OTOP2: variants seen among roughly 807,000 people sequenced by gnomAD.
OTOP2 encodes proton channel OTOP2.
A neutral mutation model predicts 47.4 loss-of-function variants in OTOP2; 41 were observed. The observed-to-expected ratio is 0.87, with a 90% CI of 0.67 to 1.12. The LOEUF (loss-of-function observed/expected upper bound fraction) is 1.12. Among genes scored for constraint, OTOP2 ranks in the 50% most tolerant of loss-of-function variants. The pLI is 0.00. For missense variants in OTOP2, 721 were observed against 752.2 expected (o/e 0.96, Z 0.49); for synonymous variants, 328 against 319.6 (o/e 1.03, Z -0.28).
At chr17:74,928,723 A>G (rs2039031093) in intron 5 of OTOP2, among the ~76,000 whole-genome samples, 1 of 152,200 alleles carries the variant, frequency 6.6e-6, no homozygotes, top group African/African-American at 2.4e-5. Flanking sequence ...ACAATATGCT[A>G]AACTAAGGAG....
chr17:74,927,820 G>T (rs1159715260), intron 5 of OTOP2, 22 bp downstream of exon 5: 1 of 1,611,838 alleles, frequency 6.2e-7, no homozygotes, highest in African/African-American at 1.3e-5. Context: ...CTTAATGCTG[G>T]CCCTGTGGCT....
Position 74,933,123 on chromosome 17 carries a change from G to A in OTOP2, c.1519-252G>A, listed in dbSNP as rs1387824964. Among the ~76,000 whole-genome samples the A allele has an allele frequency of 6.6e-6, 1 of 152,158 alleles. No individual in the cohort carries two copies. Among genetic ancestry groups the A allele is most frequent in the Non-Finnish European group, 1.5e-5 (1 of 68,030 alleles). ...AGGCCCTGCTAAGATTTTGGGAGAG[G>A]TGATCACAGGTGTCCATGAGGTGGG... is the stretch of plus-strand genomic sequence containing the variant. On this transcript the variant is annotated intron_variant, in intron 6 of 6. Transcript: ENST00000331427. The surrounding 1 kb of genome is among the most constrained non-coding windows in gnomAD (Gnocchi z 4.7).
In OTOP2 at chr17:74,927,108, A is replaced by ATTT. The variant is rs2039014286; in HGVS notation, c.451-114_451-113insTTT. The ATTT allele has an allele frequency of 1.5e-5, 15 of 981,934 alleles. 1 individual carries two copies. The East Asian group carries it at 3.6e-4, about 24-fold the overall frequency. 60.8% of individuals were successfully genotyped at this position (981,934 alleles called of 1,614,324 possible). A position where few individuals can be genotyped will look rare whatever the true frequency, so the allele number is the denominator to read the frequency against. The stretch of plus-strand genomic sequence containing the variant: ...ATTTTGTGAAGCTAAAATGAACCTG[A>ATTT]TAACTCAGTGTAAGGGTTCCTCAGG... On this transcript the variant is annotated intron_variant, in intron 3 of 6. Transcript: ENST00000331427.
chr17:74,927,971 A>T, intron 5 of OTOP2, 173 bp downstream of exon 5: 1 of 866,746 alleles, frequency 1.2e-6, no homozygotes, highest in Non-Finnish European at 1.7e-6. Context: ...AGGTGACCCC[A>T]GAAGGGAAGT....
At position 74,930,365 on chromosome 17, in the gene OTOP2, T is replaced by C. The variant is rs901022688; in HGVS notation, c.730T>C (p.Tyr244His). 4 of 1,614,050 alleles carry C rather than the reference T, an allele frequency of 2.5e-6. No homozygotes were observed. Among genetic ancestry groups the C allele is most frequent in the African/African-American group, 2.7e-5 (2 of 74,908 alleles). ...QIFQQGYFYL[Y>H]PFNIEYSLFA... ...CTTCCAGCAGGGGTACTTCTACCTA[T>C]ATCCCTTCAACATCGAGTACAGCCT... is the stretch of plus-strand genomic sequence containing the variant. The change falls in exon 6 of 7, where the codon TAT (tyrosine) becomes CAT (histidine). Residue 244 changes from tyrosine to histidine, a missense_variant. Tyr to His is a moderately conservative substitution (Grantham distance 83). Coordinates refer to ENST00000331427, the MANE Select transcript of OTOP2 (RefSeq NM_178160.3). The surrounding 1 kb of genome is among the most constrained non-coding windows in gnomAD (Gnocchi z 4.0).
Position 74,930,759 on chromosome 17 carries a change from C to G in OTOP2, c.1124C>G (p.Ala375Gly). Reference sequence around the variant, plus strand: ...CTGGACGTGGCCCTGCTGATGGGTGCCGCCCTGGGTCAGTACGCCATCTCT... The same window carrying G: ...CTGGACGTGGCCCTGCTGATGGGTGGCGCCCTGGGTCAGTACGCCATCTCT... Reference protein sequence around the residue: ...RTLDVALLMGAALGQYAISYY... With the variant: ...RTLDVALLMGGALGQYAISYY... Residue 375 changes from alanine to glycine, a missense_variant, in exon 6 of 7, where the codon GCC (alanine) becomes GGC (glycine). Physicochemically the swap from Ala to Gly is moderately conservative, Grantham distance 60 (BLOSUM62 0). Transcript: ENST00000331427. The surrounding 1 kb of genome is among the most constrained non-coding windows in gnomAD (Gnocchi z 4.0). 6.2e-7 allele frequency: 1 copy of G among 1,614,110 alleles called. No individual in the cohort carries two copies. Among genetic ancestry groups the G allele is most frequent in the Non-Finnish European group, 8.5e-7 (1 of 1,180,026 alleles).
rs1374973639 is a variant in OTOP2, at chr17:74,927,278, C to G, written c.506C>G (p.Thr169Ser). 2 of 1,612,776 alleles carry G rather than the reference C, an allele frequency of 1.2e-6. No homozygotes were observed. Among genetic ancestry groups the G allele is most frequent in the South Asian group, 2.2e-5 (2 of 91,020 alleles). ...TGCGTTCACGTCCACCTGGATCTGA[C>G]CTGGTGAGAACTGCAGCTCGATGCC... ...KDCVHVHLDL[T>S]WCGLMFTLTT... Residue 169 changes from threonine (T) to serine (S), a missense_variant, in exon 4 of 7, where the codon ACC (threonine) becomes AGC (serine). Coordinates refer to ENST00000331427, the MANE Select transcript of OTOP2 (RefSeq NM_178160.3).
In OTOP2 at chr17:74,930,874, G is replaced by GCACA. The variant is rs1567945688; in HGVS notation, c.1241_1244dup (p.Phe416HisfsTer19). 6.2e-7 allele frequency: 1 copy of GCACA among 1,614,048 alleles called. No individual in the cohort carries two copies. Among genetic ancestry groups the GCACA allele is most frequent in the South Asian group, 1.1e-5 (1 of 91,074 alleles). On this transcript the variant is annotated frameshift_variant, in exon 6 of 7. Coordinates refer to ENST00000331427, the MANE Select transcript of OTOP2 (RefSeq NM_178160.3). LOFTEE classifies it high-confidence loss of function. The surrounding 1 kb of genome is among the most constrained non-coding windows in gnomAD (Gnocchi z 4.0). ...CCCATGCACTGCTCATGATCGCCCA[G>GCACA]CACACCTTCCAGAACATGTTTATCA... is the stretch of plus-strand genomic sequence containing the variant.
At position 74,931,014 on chromosome 17, in the gene OTOP2, G is replaced by C. The variant is rs145305698; in HGVS notation, c.1379G>C (p.Cys460Ser). The change falls in exon 6 of 7, where the codon TGC (cysteine) becomes TCC (serine). Residue 460 changes from cysteine to serine, a missense_variant. Transcript: ENST00000331427. ...GATGCCCTCCACACGTTGTCCGCCT[G>C]CCCACCCAACCCCGGGCTGGTTAGC... Reference protein sequence around the residue: ...NLDALHTLSACPPNPGLVSPS... With the variant: ...NLDALHTLSASPPNPGLVSPS... 1.4e-5 allele frequency: 22 copies of C among 1,614,122 alleles called. No homozygotes were observed. Among genetic ancestry groups the C allele is most frequent in the Non-Finnish European group, 1.7e-5 (20 of 1,180,010 alleles).
chr17:74,932,521 G>A (rs796257655), intron 6 of OTOP2, among the ~76,000 whole-genome samples: 1 of 152,170 alleles, frequency 6.6e-6, no homozygotes, highest in Non-Finnish European at 1.5e-5. Context: ...AATCATTAAG[G>A]TCCAGACCTC....
chr17:74,926,468 G>A (rs1450149150), intron 3 of OTOP2, among the ~76,000 whole-genome samples: 1 of 152,124 alleles, frequency 6.6e-6, no homozygotes, highest in Non-Finnish European at 1.5e-5. Context: ...CAGAGGAAGA[G>A]GATGAGCAGG....
chr17:74,929,018 G>T (rs559315976), intron 5 of OTOP2, among the ~76,000 whole-genome samples: 1 of 152,140 alleles, frequency 6.6e-6, no homozygotes, highest in African/African-American at 2.4e-5. Flanking sequence ...TACCTGTCCC[G>T]GGGTCAGAAG....
At position 74,930,412 on chromosome 17, in the gene OTOP2, T is replaced by A. The variant is rs761563620; in HGVS notation, c.777T>A (p.Tyr259Ter). 6.2e-6 allele frequency: 10 copies of A among 1,614,036 alleles called. No individual in the cohort carries two copies. Among genetic ancestry groups the A allele is most frequent in the Middle Eastern group, 1.6e-4 (1 of 6,084 alleles). Residue 259 changes from tyrosine (Y) to a stop codon, truncating the protein, a stop_gained, in exon 6 of 7, where the codon TAT becomes TAA. Coordinates refer to ENST00000331427, the MANE Select transcript of OTOP2 (RefSeq NM_178160.3). LOFTEE classifies it high-confidence loss of function. The surrounding 1 kb of genome is among the most constrained non-coding windows in gnomAD (Gnocchi z 4.0). The stretch of plus-strand genomic sequence containing the variant: ...GCCTCTTCGCCTCCACCATGCTGTA[T>A]GTCATGTGGAAGAATGTGGGTAGAT... ...EYSLFASTML[Y>*]VMWKNVGRFL...
In OTOP2 at chr17:74,933,734, C is replaced by T. The variant is rs2039080794; in HGVS notation, c.*189C>T. 6 of 638,020 alleles carry T rather than the reference C, an allele frequency of 9.4e-6. No individual in the cohort carries two copies. Among genetic ancestry groups the T allele is most frequent in the Middle Eastern group, 4.5e-4 (1 of 2,202 alleles). The allele number at this position is 638,020 out of a possible 1,614,324, so 39.5% of individuals were successfully genotyped here. ...AAATCACAGTCAGGACAGGCCCATC[C>T]ACCCCAGTATGACCGTGGGGCATGA... On this transcript the variant is annotated 3_prime_UTR_variant, in exon 7 of 7. Coordinates refer to ENST00000331427, the MANE Select transcript of OTOP2 (RefSeq NM_178160.3). The surrounding 1 kb of genome is among the most constrained non-coding windows in gnomAD (Gnocchi z 4.7).
intron 5 of OTOP2, chr17:74,928,151 T>C (rs1192062305): frequency 5.0e-6 from 1 of 199,992 alleles, no homozygotes; most frequent in African/African-American, 2.3e-5. Context: ...AAGACCACCC[T>C]AGGCCAAATG....
rs750570753 is a variant in OTOP2 at position 74,925,626 on chromosome 17, C to A, written c.384C>A (p.Phe128Leu). The A allele has an allele frequency of 1.0e-4, 162 of 1,614,200 alleles. No homozygotes were observed. Among genetic ancestry groups the A allele is most frequent in the Middle Eastern group, 1.6e-4 (1 of 6,062 alleles). ...TCAAGACCGGCTACTACTCCAGTTTCTTTGAGTGCCAGTCAGCCATCAAGA... is the reference window on the plus strand; with the variant it reads ...TCAAGACCGGCTACTACTCCAGTTTATTTGAGTGCCAGTCAGCCATCAAGA... Reference protein sequence around the residue: ...DVFKTGYYSSFFECQSAIKIL... With the variant: ...DVFKTGYYSSLFECQSAIKIL... Residue 128 changes from phenylalanine to leucine, a missense_variant, in exon 3 of 7, where the codon TTC becomes TTA. By Grantham distance (22) the Phe-to-Leu change is conservative. Coordinates refer to ENST00000331427, the MANE Select transcript of OTOP2 (RefSeq NM_178160.3).
intron 4 of OTOP2, 190 bp downstream of exon 4, chr17:74,927,471 T>TGG: frequency 9.9e-7 from 1 of 1,014,124 alleles, no homozygotes; most frequent in Non-Finnish European, 1.5e-6. Context: ...GAGGGAGTGG[T>TGG]GGTGGCCCCC....
In OTOP2 at chr17:74,924,941, C is replaced by G; in HGVS notation, c.309C>G (p.Leu103=). 6.4e-7 allele frequency: 1 copy of G among 1,558,376 alleles called. No homozygotes were observed. Among genetic ancestry groups the G allele is most frequent in the Non-Finnish European group, 8.7e-7 (1 of 1,149,902 alleles). Residue 103 remains leucine, a synonymous_variant, in exon 2 of 7, where the codon CTC becomes CTG. Transcript: ENST00000331427. This position sits in a 1 kb window ranked among gnomAD's most constrained non-coding sequence, Gnocchi z 7.7. ...YRDAHAGPIW[L]RGGLVLFGIC... Reference sequence around the variant, plus strand: ...ACGCGCACGCTGGCCCCATCTGGCTCCGAGGTGCCAGGGGAGGTGGGGGCG... The same window carrying G: ...ACGCGCACGCTGGCCCCATCTGGCTGCGAGGTGCCAGGGGAGGTGGGGGCG...
rs201841593 is a variant in OTOP2 at position 74,930,695 on chromosome 17, C to A, written c.1060C>A (p.Arg354Ser). Residue 354 changes from arginine to serine, a missense_variant, in exon 6 of 7, where the codon CGC becomes AGC. Arg to Ser is a moderately radical substitution (Grantham distance 110). Coordinates refer to ENST00000331427, the MANE Select transcript of OTOP2 (RefSeq NM_178160.3). This position sits in a 1 kb window ranked among gnomAD's most constrained non-coding sequence, Gnocchi z 4.0. ...CGGCTCCATCATCTACCGTTTTGAC[C>A]GCCGGGCCATGGACCACCATAAGAA... ...LSGSIIYRFD[R>S]RAMDHHKNPT... 3 of 1,614,012 alleles carry A rather than the reference C, an allele frequency of 1.9e-6. No homozygotes were observed. In the African/African-American group the frequency reaches 4.0e-5, roughly 22 times the overall value.
Sources: gnomAD v4.1 joint callset for allele counts (sites outside exome capture counted in the v4.1 genomes callset) on GRCh38, gnomAD v4.1.1 for gene constraint, Gnocchi (gnomAD v3.1) non-coding constraint, MANE v1.5 for transcripts, NCBI Gene and HGNC (gene_info 2026-07-23, HGNC 2026-07-21) for gene names.